The following TMPRSS11F variants were observed in gnomAD, a reference collection of about 807,000 sequenced individuals.
The protein encoded by TMPRSS11F is transmembrane serine protease 11F.
Under a neutral mutation model 60.2 loss-of-function variants are expected in TMPRSS11F, and 47 were observed. The ratio of observed to expected loss-of-function variants is 0.78; its 90% CI spans 0.62 to 1.00. The LOEUF (loss-of-function observed/expected upper bound fraction) is 1.00. Ranked by LOEUF, TMPRSS11F falls within the 50% of genes least tolerant of loss-of-function variation. TMPRSS11F has a pLI of 0.00. For missense variants in TMPRSS11F, 519 were observed against 522.9 expected (o/e 0.99, Z 0.07); for synonymous variants, 166 against 167.3 (o/e 0.99, Z 0.06).
chr4:68,127,227 C>T (rs1285797335), intron 1 of TMPRSS11F, among the ~76,000 whole-genome samples: 1 of 152,098 alleles, frequency 6.6e-6, no homozygotes, highest in Non-Finnish European at 1.5e-5. Context: ...TCTCTCAACC[C>T]AGAATACCGT....
chr4:68,103,351 T>C (rs1724231548), intron 1 of TMPRSS11F, among the ~76,000 whole-genome samples: 1 of 151,494 alleles, frequency 6.6e-6, no homozygotes, highest in African/African-American at 2.4e-5. Context: ...GAGGCTGAGA[T>C]GGGAAGATCA....
At chr4:68,105,079 G>A (rs556270001) in intron 1 of TMPRSS11F, among the ~76,000 whole-genome samples, 1 of 87,118 alleles carries the variant, frequency 1.1e-5, no homozygotes, top group South Asian at 4.0e-4. Context: ...TTTTTTGCAA[G>A]AGTTTGGGAA....
At chr4:68,116,608 A>C (rs1039675963) in intron 1 of TMPRSS11F, among the ~76,000 whole-genome samples, 4 of 152,234 alleles carry the variant, frequency 2.6e-5, no homozygotes, top group African/African-American at 9.6e-5. Context: ...ACAAAGCCAT[A>C]GTAATCAAAA....
At chr4:68,059,620 G>A in intron 8 of TMPRSS11F, 152 bp from the exon 9 acceptor site, 1 of 757,120 alleles carries the variant, frequency 1.3e-6, no homozygotes, top group Non-Finnish European at 2.0e-6. Context: ...ATGTCTACAT[G>A]CAAGGAATCA....
intron 1 of TMPRSS11F, among the ~76,000 whole-genome samples, chr4:68,100,064 G>C (rs1443646227): frequency 2.0e-5 from 3 of 150,770 alleles, no homozygotes; most frequent in Non-Finnish European, 3.0e-5. Context: ...AAAGGACAGA[G>C]AAAATAGCAT....
At chr4:68,090,208 T>C (rs1332110235) in intron 3 of TMPRSS11F, among the ~76,000 whole-genome samples, 1 of 151,928 alleles carries the variant, frequency 6.6e-6, no homozygotes, top group Admixed American at 6.6e-5. Flanking sequence ...TATTCTTATG[T>C]TAAAAAAGAA....
At chr4:68,098,486 T>C (rs1724123868) in intron 2 of TMPRSS11F, among the ~76,000 whole-genome samples, 1 of 152,202 alleles carries the variant, frequency 6.6e-6, no homozygotes, top group Non-Finnish European at 1.5e-5. Flanking sequence ...AAATAATGCT[T>C]GATCTTTAGC....
At chr4:68,123,330 T>G (rs141584695) in intron 1 of TMPRSS11F, among the ~76,000 whole-genome samples, 1 of 152,210 alleles carries the variant, frequency 6.6e-6, no homozygotes, top group African/African-American at 2.4e-5. Context: ...AAAGAATAAA[T>G]CATGAACGTC....
chr4:68,083,321 G>T, intron 3 of TMPRSS11F, among the ~76,000 whole-genome samples: 1 of 152,284 alleles, frequency 6.6e-6, no homozygotes, highest in East Asian at 1.9e-4. Context: ...AGTGATTAAA[G>T]GGGGCCCCCT....
chr4:68,089,052 A>C (rs74382887), intron 3 of TMPRSS11F, among the ~76,000 whole-genome samples: 6 of 152,072 alleles, frequency 3.9e-5, no homozygotes, highest in African/African-American at 1.4e-4. Context: ...AAAAAAAAAA[A>C]CTATTCTGAA....
At chr4:68,087,639 C>T (rs1335411356) in intron 3 of TMPRSS11F, among the ~76,000 whole-genome samples, 2 of 151,928 alleles carry the variant, frequency 1.3e-5, no homozygotes, top group Admixed American at 6.6e-5. Flanking sequence ...CTCCCAGAAT[C>T]GATAAACTTC....
At chr4:68,073,529 G>C (rs1291839035) in intron 4 of TMPRSS11F, among the ~76,000 whole-genome samples, 1 of 152,098 alleles carries the variant, frequency 6.6e-6, no homozygotes, top group Non-Finnish European at 1.5e-5. Flanking sequence ...GACATGAAAA[G>C]CCATTTTAAA....
chr4:68,127,955 C>T (rs945002389), intron 1 of TMPRSS11F, among the ~76,000 whole-genome samples: 6 of 152,096 alleles, frequency 3.9e-5, no homozygotes, highest in Non-Finnish European at 8.8e-5. Context: ...CAACCTCACC[C>T]CTCATTCATT....
Position 68,065,767 on chromosome 4 carries a change from TA to T in TMPRSS11F, c.756-824del, listed in dbSNP as rs11439869. Among the ~76,000 whole-genome samples the T allele has an allele frequency of 5.6e-3, 822 of 147,930 alleles. 10 individuals are homozygous for T. The highest frequency in any genetic ancestry group is 0.017 in the African/African-American group (695 of 40,096). ...GTGAATCATCAACCTTTAAATGTAA[TA>T]AAAAAAAAAAACCTGAAAGATCAGT... On this transcript the variant is annotated intron_variant, in intron 7 of 9. Coordinates refer to ENST00000356291, the MANE Select transcript of TMPRSS11F (RefSeq NM_207407.2).
chr4:68,129,354 T>C (rs1724775411), intron 1 of TMPRSS11F, among the ~76,000 whole-genome samples: 3 of 152,112 alleles, frequency 2.0e-5, no homozygotes, highest in South Asian at 2.1e-4. Flanking sequence ...CCTATCATAG[T>C]TTCTATTAGA....
At chr4:68,068,479 T>G (rs1723376433) in intron 7 of TMPRSS11F, 139 bp downstream of exon 7, 1 of 655,606 alleles carries the variant, frequency 1.5e-6, no homozygotes, top group Non-Finnish European at 2.7e-6. Context: ...AGGGGAAGCA[T>G]AATCCATTTA....
intron 3 of TMPRSS11F, among the ~76,000 whole-genome samples, chr4:68,089,929 C>A (rs1723889408): frequency 6.6e-6 from 1 of 152,094 alleles, no homozygotes; most frequent in African/African-American, 2.4e-5. Flanking sequence ...AATCTATGAT[C>A]TCCATAGCCA....
At chr4:68,061,382 G>A (rs1397680354) in intron 8 of TMPRSS11F, among the ~76,000 whole-genome samples, 3 of 152,172 alleles carry the variant, frequency 2.0e-5, no homozygotes, top group Admixed American at 2.0e-4. Context: ...AACTTTATCC[G>A]TAAATTTCAT....
At chr4:68,090,333 A>G (rs1319718932) in intron 3 of TMPRSS11F, among the ~76,000 whole-genome samples, 190 bp downstream of exon 3, 2 of 152,132 alleles carry the variant, frequency 1.3e-5, no homozygotes, top group Non-Finnish European at 2.9e-5. Context: ...TATACATTTG[A>G]TGGTGCACAC....
Sources: allele counts gnomAD v4.1 joint callset (sites outside exome capture counted in the v4.1 genomes callset), GRCh38; gene constraint gnomAD v4.1.1; transcripts MANE v1.5; gene names NCBI Gene and HGNC (gene_info 2026-07-23, HGNC 2026-07-21).